The following CLIC5 variants were observed in gnomAD, a reference collection of about 807,000 sequenced individuals.
CLIC5 encodes the protein chloride intracellular channel protein 5.
A neutral mutation model predicts 24.7 loss-of-function variants in CLIC5; 20 were observed. The observed-to-expected ratio is 0.81, with a 90% CI of 0.57 to 1.18. The LOEUF is 1.18. CLIC5 is among the 50% of genes most tolerant of loss of function. The pLI is 0.00. For missense variants in CLIC5, 341 were observed against 326.1 expected (o/e 1.05, Z -0.35); for synonymous variants, 159 against 135.6 (o/e 1.17, Z -1.20).
intron 1 of CLIC5, among the ~76,000 whole-genome samples, chr6:46,045,916 C>A (rs1767940071): frequency 1.3e-5 from 1 of 78,108 alleles, no homozygotes; most frequent in Admixed American, 1.6e-4. Context: ...GGCTAAGGAA[C>A]GCACATGAAC....
chr6:45,993,023 A>C (rs548272104), intron 1 of CLIC5, among the ~76,000 whole-genome samples: 6 of 152,188 alleles, frequency 3.9e-5, no homozygotes, highest in African/African-American at 1.4e-4. Context: ...ATTTGAGGAG[A>C]GGTTTCCCAT....
the CLIC5 span, among the ~76,000 whole-genome samples, chr6:46,112,013 T>TTATAAATTAATCAGTCTCAAG: frequency 1.3e-5 from 2 of 151,068 alleles, no homozygotes; most frequent in Non-Finnish European, 2.9e-5. Flanking sequence ...CTCTTTTTCT[T>TTATAAATTAATCAGTCTCAAG]TATAAATTAA....
At chr6:46,017,345 T>C (rs1442713226), upstream of CLIC5, among the ~76,000 whole-genome samples, 1 of 152,248 alleles carries the variant, frequency 6.6e-6, no homozygotes, top group Admixed American at 6.5e-5. Flanking sequence ...ATACTTATTA[T>C]GTGCTAGGCA....
chr6:45,945,743 G>C (rs1764270277), intron 3 of CLIC5, among the ~76,000 whole-genome samples: 1 of 152,132 alleles, frequency 6.6e-6, no homozygotes, highest in South Asian at 2.1e-4. Flanking sequence ...AGGTCTGGAG[G>C]CTGTTTCTCT....
At chr6:45,893,294 G>A (rs937072456) in intron 6 of CLIC5, among the ~76,000 whole-genome samples, 3 of 150,884 alleles carry the variant, frequency 2.0e-5, no homozygotes, top group African/African-American at 4.9e-5. Context: ...AGGCAGAATC[G>A]TGTGATACAT....
intron 4 of CLIC5, among the ~76,000 whole-genome samples, chr6:45,917,302 A>G (rs906729052): frequency 6.6e-6 from 1 of 152,172 alleles, no homozygotes; most frequent in Non-Finnish European, 1.5e-5. Flanking sequence ...AAAGCACCTA[A>G]TACAGTGCCT....
chr6:46,006,037 T>TACAC lies in CLIC5; in HGVS notation c.63+9442_63+9443insGTGT, dbSNP rs1267990788. 1.7e-3 allele frequency among the ~76,000 whole-genome samples: 230 copies of TACAC among 138,154 alleles called. 1 individual carries two copies. Among genetic ancestry groups the TACAC allele is most frequent in the African/African-American group, 6.4e-3 (226 of 35,520 alleles). 90.6% of individuals were successfully genotyped at this position (138,154 alleles called of 152,430 possible). A position where few individuals can be genotyped will look rare whatever the true frequency, so the allele number is the denominator to read the frequency against. ...ATATACACACATGTATAAATATATA[T>TACAC]ACATGTATAAATATATATATACATG... On this transcript the variant is annotated intron_variant, in intron 1 of 5. Coordinates refer to ENST00000339561, the MANE Select transcript of CLIC5 (RefSeq NM_016929.5).
chr6:46,087,544 A>C, the CLIC5 span, among the ~76,000 whole-genome samples: 1 of 151,674 alleles, frequency 6.6e-6, no homozygotes, highest in East Asian at 1.9e-4. Flanking sequence ...GACTCTCAGA[A>C]ATGACCTTCA....
At chr6:46,034,769 T>TA (rs1445023728) in intron 1 of CLIC5, among the ~76,000 whole-genome samples, 2 of 152,174 alleles carry the variant, frequency 1.3e-5, no homozygotes, top group African/African-American at 4.8e-5. Flanking sequence ...TTCAACTTCA[T>TA]ATCTCAAAAC....
chr6:46,080,048 C>A, exon 1 of CLIC5: 3 of 1,551,678 alleles, frequency 1.9e-6, no homozygotes, highest in Non-Finnish European at 2.6e-6. Flanking sequence ...TCTCTTCACC[C>A]TTAATGGTAT....
Position 45,979,951 on chromosome 6 carries a change from CT to C in CLIC5, c.64-24708del, listed in dbSNP as rs3997321. On this transcript the variant is annotated intron_variant, in intron 1 of 5. Transcript: ENST00000339561. Reference sequence around the variant, plus strand: ...GCAATTGCTTTTGGAGACTTAGTCACTTTTTTTTTTTTTTTTTTTGCCAAGG... The same window carrying C: ...GCAATTGCTTTTGGAGACTTAGTCACTTTTTTTTTTTTTTTTTTGCCAAGG... Among the ~76,000 whole-genome samples, 597 of 94,998 alleles carry C rather than the reference CT, an allele frequency of 6.3e-3. 1 individual carries two copies. The highest frequency in any genetic ancestry group is 0.026 in the South Asian group (59 of 2,300). The allele number at this position is 94,998 out of a possible 152,430, so 62.3% of individuals were successfully genotyped here.
intron 5 of CLIC5, among the ~76,000 whole-genome samples, chr6:45,904,752 T>G (rs572661794): frequency 1.1e-4 from 17 of 148,060 alleles, no homozygotes; most frequent in South Asian, 4.5e-4. Flanking sequence ...CTCTTTTTTT[T>G]GGGGGGATAC....
In CLIC5 at chr6:45,943,212, A is replaced by T. The variant is rs140375259; in HGVS notation, c.300-1559T>A. Among the ~76,000 whole-genome samples the T allele has an allele frequency of 1.7e-3, 262 of 152,380 alleles. 1 individual carries two copies. Among genetic ancestry groups the T allele is most frequent in the African/African-American group, 6.0e-3 (250 of 41,590 alleles). ...GCAGAGCCAGGATCCCAACCCAGGC[A>T]GTTTCACTGTGGAAGACTAGGTTTT... is the stretch of plus-strand genomic sequence containing the variant. On this transcript the variant is annotated intron_variant, in intron 3 of 5. Transcript: ENST00000339561.
At chr6:46,031,314 A>G (rs533709045) in intron 1 of CLIC5, among the ~76,000 whole-genome samples, 2 of 152,334 alleles carry the variant, frequency 1.3e-5, no homozygotes, top group South Asian at 4.1e-4. Flanking sequence ...TGCCATAATG[A>G]AAATAATAAA....
chr6:45,914,237 A>G lies in CLIC5; in HGVS notation c.579T>C (p.His193=), dbSNP rs749515125. The change falls in exon 5 of 6, where the codon CAT becomes CAC. Residue 193 remains histidine, a synonymous_variant. Coordinates refer to ENST00000339561, the MANE Select transcript of CLIC5 (RefSeq NM_016929.5). ...GGTAGAGCTCTCTTACCTTGACCAC[A>G]TGGAGCTTGGGCAACAGATTGCAGT... ...LADCNLLPKL[H]VVKIVAKKYR... is the part of the protein sequence containing the mutation. 1.9e-6 allele frequency: 3 copies of G among 1,595,316 alleles called. No homozygotes were observed. Among genetic ancestry groups the G allele is most frequent in the African/African-American group, 1.3e-5 (1 of 74,696 alleles).
intron 5 of CLIC5, among the ~76,000 whole-genome samples, chr6:45,910,359 G>C (rs1216308495): frequency 6.6e-6 from 1 of 152,086 alleles, no homozygotes; most frequent in Non-Finnish European, 1.5e-5. Flanking sequence ...TTACAGATGA[G>C]AAAAGCAAGA....
chr6:45,958,429 TATATA>T (rs1764723175), intron 1 of CLIC5, among the ~76,000 whole-genome samples: 3 of 4,664 alleles, frequency 6.4e-4, no homozygotes, highest in Admixed American at 3.0e-3. Context: ...CAATTATATA[TATATA>T]TATATATATA....
At chr6:46,097,724 T>TC in the CLIC5 span, among the ~76,000 whole-genome samples, 1 of 152,248 alleles carries the variant, frequency 6.6e-6, no homozygotes, top group Non-Finnish European at 1.5e-5. Context: ...GTCTTGATAG[T>TC]TAAGATTTAA....
At chr6:46,025,347 C>T (rs1176355981) in intron 1 of CLIC5, among the ~76,000 whole-genome samples, 1 of 152,166 alleles carries the variant, frequency 6.6e-6, no homozygotes, top group African/African-American at 2.4e-5. Flanking sequence ...TCAGAGGCAA[C>T]ATCTCACTTA....
Sources: gnomAD v4.1 joint callset for allele counts (sites outside exome capture counted in the v4.1 genomes callset) on GRCh38, gnomAD v4.1.1 for gene constraint, MANE v1.5 for transcripts, NCBI Gene and HGNC (gene_info 2026-07-23, HGNC 2026-07-21) for gene names.